The following RASA3 variants were observed in gnomAD, a reference collection of about 807,000 sequenced individuals.
RASA3 encodes the protein ras GTPase-activating protein 3.
In RASA3, 73 loss-of-function variants were observed where a neutral mutation model predicts 110.0. That is an observed-to-expected ratio of 0.66 (90% confidence interval 0.55 to 0.81). The LOEUF is 0.81. Ranked by LOEUF, RASA3 falls within the 30% of genes least tolerant of loss-of-function variation. The pLI is 0.00. For missense variants in RASA3, 976 were observed against 1,113.2 expected (o/e 0.88, Z 1.75); for synonymous variants, 500 against 451.4 (o/e 1.11, Z -1.37).
At chr13:114,021,771 T>TA (rs2053931922) in intron 8 of RASA3, among the ~76,000 whole-genome samples, 1 of 152,056 alleles carries the variant, frequency 6.6e-6, no homozygotes, top group African/African-American at 2.4e-5. Context: ...CCCAGGCTCT[T>TA]AGATAGGAGG....
intron 1 of RASA3, among the ~76,000 whole-genome samples, chr13:114,081,387 G>A (rs2079786130): frequency 6.6e-6 from 1 of 152,214 alleles, no homozygotes; most frequent in African/African-American, 2.4e-5. Context: ...CAAGGCGCGG[G>A]GGCCGCATCA....
intron 11 of RASA3, 44 bp downstream of exon 11, chr13:114,018,060 A>T (rs2053832630): frequency 6.9e-7 from 1 of 1,451,518 alleles, no homozygotes; most frequent in African/African-American, 1.4e-5. Context: ...CCATCCCTGT[A>T]GCGGGTCCAG....
At chr13:114,067,902 A>C (rs1384597497) in intron 2 of RASA3, among the ~76,000 whole-genome samples, 4 of 152,234 alleles carry the variant, frequency 2.6e-5, no homozygotes, top group African/African-American at 9.6e-5. Context: ...TAAAACACAC[A>C]AACAAAAGAA....
Position 114,070,636 on chromosome 13 carries a change from C to T in RASA3, c.173+3084G>A, listed in dbSNP as rs575906863. Among the ~76,000 whole-genome samples the T allele has an allele frequency of 1.5e-3, 220 of 151,610 alleles. 4 individuals carry two copies. Among genetic ancestry groups the T allele is most frequent in the African/African-American group, 5.0e-3 (207 of 41,260 alleles). On this transcript the variant is annotated intron_variant, in intron 2 of 23. Transcript: ENST00000334062. The stretch of plus-strand genomic sequence containing the variant: ...CAGTGTTACACGTGGGCAGGGCTGC[C>T]GGCGTCCACGCTAAACGGCTCCACA...
chr13:114,101,492 C>A (rs2080059723), intron 1 of RASA3, among the ~76,000 whole-genome samples: 1 of 152,236 alleles, frequency 6.6e-6, no homozygotes, highest in Non-Finnish European at 1.5e-5. Flanking sequence ...CTAAGCACCA[C>A]CCCATGGACA....
intron 1 of RASA3, among the ~76,000 whole-genome samples, chr13:114,093,746 T>A (rs1043727992): frequency 1.3e-5 from 2 of 150,420 alleles, no homozygotes; most frequent in Non-Finnish European, 3.0e-5. Flanking sequence ...TTTCTTTTCA[T>A]TTTTTTTCTT....
At chr13:114,073,269 G>A (rs1307241834) in intron 2 of RASA3, among the ~76,000 whole-genome samples, 1 of 146,444 alleles carries the variant, frequency 6.8e-6, no homozygotes, top group Non-Finnish European at 1.5e-5. Flanking sequence ...ACGGGACGGT[G>A]ATGTACACGC....
chr13:114,090,404 A>G (rs867996079), intron 1 of RASA3, among the ~76,000 whole-genome samples: 1 of 152,216 alleles, frequency 6.6e-6, no homozygotes, highest in South Asian at 2.1e-4. Context: ...TTGTGGCAAC[A>G]GTTTTGAGAC....
chr13:114,013,207 A>G lies in RASA3; in HGVS notation c.1447T>C (p.Phe483Leu). The change falls in exon 15 of 24, where the codon TTC becomes CTC. Residue 483 changes from phenylalanine to leucine, a missense_variant. Physicochemically the swap from Phe to Leu is conservative, Grantham distance 22. Coordinates refer to ENST00000334062, the MANE Select transcript of RASA3 (RefSeq NM_007368.4). Reference protein sequence around the residue: ...VRYTAVSSFIFLRFFAPAILS... With the variant: ...VRYTAVSSFILLRFFAPAILS... ...ATGGCGGGCGCAAAGAACCTCAGGA[A>G]GATGAAGCTGCTCACTGCAGTGTAC... 1 of 1,613,500 alleles carries G rather than the reference A, an allele frequency of 6.2e-7. No individual in the cohort carries two copies. Among genetic ancestry groups the G allele is most frequent in the Non-Finnish European group, 8.5e-7 (1 of 1,179,762 alleles).
intron 2 of RASA3, among the ~76,000 whole-genome samples, chr13:114,054,546 G>A (rs974754989): frequency 6.6e-6 from 1 of 152,190 alleles, no homozygotes; most frequent in Non-Finnish European, 1.5e-5. Flanking sequence ...TTAATGACAG[G>A]CATTTCATTT....
In RASA3 at chr13:114,056,951, T is replaced by C. The variant is rs906165150; in HGVS notation, c.174-4796A>G. 1.3e-5 allele frequency among the ~76,000 whole-genome samples: 2 copies of C among 152,126 alleles called. No homozygotes were observed. The highest frequency in any genetic ancestry group is 4.1e-4 in the South Asian group (2 of 4,824). On this transcript the variant is annotated intron_variant, in intron 2 of 23. Transcript: ENST00000334062. This position sits in a 1 kb window ranked among gnomAD's most constrained non-coding sequence, Gnocchi z 5.7. ...TGAATCGCAGCAGGGGAGGCAGCGCTTTGGGGCCCTCTGTCAGGCTGCCCC... is the reference window on the plus strand; with the variant it reads ...TGAATCGCAGCAGGGGAGGCAGCGCCTTGGGGCCCTCTGTCAGGCTGCCCC...
In RASA3 at chr13:114,027,846, C is replaced by T. The variant is rs186821214; in HGVS notation, c.530+1G>A. 9.3e-6 allele frequency: 15 copies of T among 1,613,768 alleles called. No individual in the cohort carries two copies. Among genetic ancestry groups the T allele is most frequent in the Admixed American group, 1.7e-5 (1 of 60,026 alleles). On this transcript the variant is annotated splice_donor_variant, in intron 6 of 23. Coordinates refer to ENST00000334062, the MANE Select transcript of RASA3 (RefSeq NM_007368.4). LOFTEE classifies it high-confidence loss of function. ...GAAACCTGAAGCGTGAGGCAACTTG[C>T]CTGAAGGGTCCTGCCAGCGTCACGG... is the stretch of plus-strand genomic sequence containing the variant.
At chr13:114,079,408 C>G (rs748241145) in intron 1 of RASA3, among the ~76,000 whole-genome samples, 7 of 152,170 alleles carry the variant, frequency 4.6e-5, no homozygotes, top group Admixed American at 2.6e-4. Context: ...GGAGGAAGTG[C>G]GGCTCTCAAG....
At chr13:113,994,786 C>A (rs933198610) in intron 21 of RASA3, among the ~76,000 whole-genome samples, 1 of 152,146 alleles carries the variant, frequency 6.6e-6, no homozygotes, top group Non-Finnish European at 1.5e-5. Flanking sequence ...GTCTGGGCAA[C>A]GTGGTGAAAC....
chr13:114,094,589 T>C (rs2139717091), intron 1 of RASA3, among the ~76,000 whole-genome samples: 1 of 152,332 alleles, frequency 6.6e-6, no homozygotes, highest in South Asian at 2.1e-4. Context: ...CTGAATTTCA[T>C]GTTATGTGTA....
In RASA3 at chr13:113,978,522, T is replaced by C. The variant is rs2052830583; in HGVS notation, c.*825A>G. 1 of 152,246 alleles carries C rather than the reference T, an allele frequency of 6.6e-6. No individual in the cohort carries two copies. The highest frequency in any genetic ancestry group is 2.4e-5 in the African/African-American group (1 of 41,460). 9.4% of individuals were successfully genotyped at this position (152,246 alleles called of 1,614,324 possible). ...CTTGAAAAATGTACATTTCTATTTT[T>C]AAAATCTTCAAACTTCCACGGGGGG... On this transcript the variant is annotated 3_prime_UTR_variant, in exon 24 of 24. Transcript: ENST00000334062.
rs2053632959 is a variant in RASA3 at position 114,011,275 on chromosome 13, T to G, written c.1513-27A>C. The G allele has an allele frequency of 6.4e-7, 1 of 1,571,216 alleles. No individual in the cohort carries two copies. Among genetic ancestry groups the G allele is most frequent in the African/African-American group, 1.4e-5 (1 of 73,924 alleles). ...TGGGGAGGCGGGAGCAAGAAAGGTC[T>G]ATGTCAGCATCACAGAAATGCTGTG... On this transcript the variant is annotated intron_variant, in intron 15 of 23. Coordinates refer to ENST00000334062, the MANE Select transcript of RASA3 (RefSeq NM_007368.4). This position sits in a 1 kb window ranked among gnomAD's most constrained non-coding sequence, Gnocchi z 4.8.
At chr13:114,077,879 A>T (rs941337927) in intron 1 of RASA3, 15 of 846,640 alleles carry the variant, frequency 1.8e-5, no homozygotes, top group African/African-American at 1.5e-4. Context: ...TGCATTTAAT[A>T]AAAAAAAAAG....
At chr13:113,998,761 G>A (rs541558734) in intron 20 of RASA3, among the ~76,000 whole-genome samples, 27 of 152,224 alleles carry the variant, frequency 1.8e-4, no homozygotes, top group Non-Finnish European at 2.8e-4. Context: ...AGGCCTGCAC[G>A]CCTCAAAGAT....
Sources: gnomAD v4.1 joint callset for allele counts (sites outside exome capture counted in the v4.1 genomes callset) on GRCh38, gnomAD v4.1.1 for gene constraint, Gnocchi (gnomAD v3.1) non-coding constraint, MANE v1.5 for transcripts, NCBI Gene and HGNC (gene_info 2026-07-23, HGNC 2026-07-21) for gene names.